IMPG1: variants seen among roughly 807,000 people sequenced by gnomAD.
IMPG1 encodes the protein interphotoreceptor matrix proteoglycan 1, also known as interphotoreceptor matrix proteoglycan of 150 kDa.
Under a neutral mutation model 92.0 loss-of-function variants are expected in IMPG1, and 85 were observed. That is an observed-to-expected ratio of 0.92 (90% CI 0.78 to 1.11). IMPG1 has a LOEUF of 1.11. IMPG1 is among the 50% of genes least tolerant of loss of function. IMPG1 has a pLI of 0.00. For missense variants in IMPG1, 1,022 were observed against 956.0 expected (o/e 1.07, Z -0.91); for synonymous variants, 367 against 334.1 (o/e 1.10, Z -1.08).
intron 14 of IMPG1, among the ~76,000 whole-genome samples, chr6:75,931,890 C>G (rs376934792): frequency 6.6e-6 from 1 of 152,160 alleles, no homozygotes; most frequent in Non-Finnish European, 1.5e-5. Context: ...GCCAGTGGCC[C>G]CTGTTTGCCC....
At chr6:75,929,729 GAAATA>G (rs1435717953) in intron 15 of IMPG1, among the ~76,000 whole-genome samples, 37 of 151,004 alleles carry the variant, frequency 2.5e-4, no homozygotes, top group Admixed American at 2.6e-4. Context: ...AGAAAAACGG[GAAATA>G]AAATAAAATT....
intron 12 of IMPG1, among the ~76,000 whole-genome samples, 182 bp from the exon 13 acceptor site, chr6:75,951,276 T>C (rs1782026850): frequency 6.6e-6 from 1 of 152,076 alleles, no homozygotes; most frequent in Non-Finnish European, 1.5e-5. Context: ...GGCAGCACTA[T>C]GTCCCAACCT....
intron 14 of IMPG1, among the ~76,000 whole-genome samples, chr6:75,941,980 C>T (rs891223505): frequency 6.6e-6 from 1 of 152,038 alleles, no homozygotes; most frequent in African/African-American, 2.4e-5. Flanking sequence ...GGACACTGGA[C>T]CTGAGGTGGG....
At chr6:75,925,283 A>G (rs1781531850) in intron 15 of IMPG1, among the ~76,000 whole-genome samples, 1 of 152,080 alleles carries the variant, frequency 6.6e-6, no homozygotes, top group Non-Finnish European at 1.5e-5. Flanking sequence ...ATATTTTTAG[A>G]CCTTTCTATA....
At chr6:76,029,043 T>C (rs2149486205) in intron 4 of IMPG1, among the ~76,000 whole-genome samples, 1 of 152,390 alleles carries the variant, frequency 6.6e-6, no homozygotes, top group Non-Finnish European at 1.5e-5. Flanking sequence ...TGAAAGTGTA[T>C]GCTTCCCTTT....
At chr6:76,005,604 ATTGCTACAAAGCTTCAGGATAGC>A in intron 9 of IMPG1, 70 bp from the exon 10 acceptor site, 1 of 1,529,676 alleles carries the variant, frequency 6.5e-7, no homozygotes, top group South Asian at 1.2e-5. Context: ...GAATCACTAG[ATTGCTACAAAGCTTCAGGATAGC>A]TTCCACCTCT....
chr6:75,976,649 T>G (rs528141786), intron 12 of IMPG1, among the ~76,000 whole-genome samples: 1 of 152,098 alleles, frequency 6.6e-6, no homozygotes, highest in Non-Finnish European at 1.5e-5. Context: ...CGGTGTCTCA[T>G]GCCTGTAATC....
intron 1 of IMPG1, among the ~76,000 whole-genome samples, chr6:76,070,335 G>A (rs1784385456): frequency 6.6e-6 from 1 of 152,152 alleles, no homozygotes; most frequent in Non-Finnish European, 1.5e-5. Flanking sequence ...TAACAGATGT[G>A]GAGAACAGTA....
intron 12 of IMPG1, among the ~76,000 whole-genome samples, chr6:75,953,898 T>C (rs1782075891): frequency 1.3e-5 from 2 of 152,324 alleles, no homozygotes; most frequent in African/African-American, 2.4e-5. Flanking sequence ...TTGCTAAGAA[T>C]GATGGTTTCT....
intron 12 of IMPG1, among the ~76,000 whole-genome samples, chr6:75,953,808 T>G (rs1055481656): frequency 1.3e-5 from 2 of 151,676 alleles, no homozygotes; most frequent in African/African-American, 4.8e-5. Context: ...TTCCCCTCCC[T>G]GTGTCCATGT....
intron 15 of IMPG1, among the ~76,000 whole-genome samples, chr6:75,929,711 T>TA (rs894555197): frequency 3.4e-5 from 5 of 147,458 alleles, no homozygotes; most frequent in Admixed American, 6.8e-5. Context: ...ATAATAAAAT[T>TA]AAAAAAAAGA....
At chr6:76,018,581 A>T (rs994981981) in intron 7 of IMPG1, 137 bp downstream of exon 7, 3 of 715,534 alleles carry the variant, frequency 4.2e-6, no homozygotes, top group Non-Finnish European at 6.6e-6. Flanking sequence ...GCCCATTGTA[A>T]TTTTGGTTTT....
intron 1 of IMPG1, among the ~76,000 whole-genome samples, chr6:76,055,760 T>C (rs1784110139): frequency 6.6e-6 from 1 of 151,902 alleles, no homozygotes; most frequent in South Asian, 2.1e-4. Flanking sequence ...TCTATAAACA[T>C]AAAAAAGTTA....
At chr6:75,989,110 A>G (rs1027408222) in intron 12 of IMPG1, among the ~76,000 whole-genome samples, 2 of 152,186 alleles carry the variant, frequency 1.3e-5, no homozygotes, top group African/African-American at 4.8e-5. Context: ...CTTTTTAGAA[A>G]CAAGGTCTCA....
chr6:75,991,502 C>T (rs113673192), intron 12 of IMPG1, among the ~76,000 whole-genome samples: 229 of 152,184 alleles, frequency 1.5e-3, no homozygotes, highest in Middle Eastern at 0.01. Flanking sequence ...GAAACCCTTG[C>T]AGCTATGAAA....
intron 15 of IMPG1, among the ~76,000 whole-genome samples, chr6:75,929,143 G>T (rs1369660852): frequency 1.3e-5 from 2 of 151,882 alleles, no homozygotes; most frequent in Admixed American, 6.6e-5. Context: ...TAGAGTACCT[G>T]AGTCAAATTT....
rs542279493 is a variant in IMPG1, at chr6:76,035,851, A to C, written c.302-1064T>G. Among the ~76,000 whole-genome samples the C allele has an allele frequency of 4.6e-5, 7 of 152,302 alleles. No homozygotes were observed. The South Asian group carries it at 8.3e-4, about 18-fold the overall frequency. On this transcript the variant is annotated intron_variant, in intron 2 of 16. Coordinates refer to ENST00000369950, the MANE Select transcript of IMPG1 (RefSeq NM_001563.4). ...TGCAGTAACAATACTGAGTTTGAGA[A>C]AGGGAGTGAACTGAGTTGAGGGACA...
At chr6:75,968,862 T>C (rs1212952986) in intron 12 of IMPG1, among the ~76,000 whole-genome samples, 4 of 152,186 alleles carry the variant, frequency 2.6e-5, no homozygotes, top group Admixed American at 2.6e-4. Context: ...CTTTCCAGCC[T>C]CCAGAACTGC....
At chr6:76,018,630 A>G in intron 7 of IMPG1, 88 bp downstream of exon 7, 1 of 1,206,874 alleles carries the variant, frequency 8.3e-7, no homozygotes, top group Non-Finnish European at 1.2e-6. Context: ...GAGAAGCTGG[A>G]ACTGTTCGCC....
Sources: allele counts gnomAD v4.1 joint callset (sites outside exome capture counted in the v4.1 genomes callset), GRCh38; gene constraint gnomAD v4.1.1; transcripts MANE v1.5; gene names NCBI Gene and HGNC (gene_info 2026-07-23, HGNC 2026-07-21).